Variants in ACO1 observed in about 807,000 individuals in gnomAD.
ACO1 encodes the protein aconitase 1.
Under a neutral mutation model 105.1 loss-of-function variants are expected in ACO1, and 78 were observed. The observed-to-expected ratio is 0.74, with a 90% CI of 0.62 to 0.90. ACO1 has a LOEUF of 0.90. Ranked by LOEUF, ACO1 falls within the 40% of genes least tolerant of loss-of-function variation. The pLI is 0.00. For synonymous variants in ACO1, 364 were observed against 397.4 expected (o/e 0.92, Z 1.00); for missense variants, 965 against 1,111.1 (o/e 0.87, Z 1.87).
rs892233089 is a variant in ACO1, at chr9:32,453,074, T to C, written c.*2963T>C. The C allele has an allele frequency of 5.3e-5, 8 of 151,732 alleles. No individual in the cohort carries two copies. The highest frequency in any genetic ancestry group is 1.9e-4 in the African/African-American group (8 of 41,476). The allele number at this position is 151,732 out of a possible 1,614,324, so 9.4% of individuals were successfully genotyped here. ...CCTGGTTCTTTAAGGGCTGCTCGTC[T>C]TACTATCCAAATTAAAAATCTGCTG... is the stretch of plus-strand genomic sequence containing the variant. On this transcript the variant is annotated 3_prime_UTR_variant, in exon 21 of 21. Transcript: ENST00000309951.
At chr9:32,392,071 G>A (rs1158400905) in intron 1 of ACO1, among the ~76,000 whole-genome samples, 3 of 152,192 alleles carry the variant, frequency 2.0e-5, no homozygotes, top group Non-Finnish European at 4.4e-5. Context: ...ATGTTTTAGG[G>A]AACATGAGGT....
rs377699256 is a variant in ACO1, at chr9:32,418,411, A to G, written c.558A>G (p.Ala186=). 6.2e-7 allele frequency: 1 copy of G among 1,614,112 alleles called. No individual in the cohort carries two copies. Among genetic ancestry groups the G allele is most frequent in the African/African-American group, 1.3e-5 (1 of 74,936 alleles). ...IIHQVNLEYL[A]RVVFDQDGYY... is the part of the protein sequence containing the mutation. ...ACCAGGTGAATTTGGAATATTTGGCAAGAGTGGTATTTGATCAGGATGGAT... is the reference window on the plus strand; with the variant it reads ...ACCAGGTGAATTTGGAATATTTGGCGAGAGTGGTATTTGATCAGGATGGAT... Residue 186 remains alanine (A), a synonymous_variant, in exon 6 of 21, where the codon GCA becomes GCG. Transcript: ENST00000309951.
chr9:32,394,173 T>C (rs939424038), intron 1 of ACO1, among the ~76,000 whole-genome samples: 1 of 152,218 alleles, frequency 6.6e-6, no homozygotes, highest in African/African-American at 2.4e-5. Flanking sequence ...ATCTGCCAGC[T>C]TATTCTTTCA....
At chr9:32,431,906 C>A in intron 15 of ACO1, 63 bp downstream of exon 15, 1 of 1,593,918 alleles carries the variant, frequency 6.3e-7, no homozygotes, top group South Asian at 1.1e-5. Flanking sequence ...CCCTTTGTGT[C>A]CTGTCTGCAG....
Position 32,413,389 on chromosome 9 carries a change from CAG to C in ACO1, c.405-4738_405-4737del, listed in dbSNP as rs111676430. Among the ~76,000 whole-genome samples, 148 of 150,102 alleles carry C rather than the reference CAG, an allele frequency of 9.9e-4. 1 individual carries two copies. The highest frequency in any genetic ancestry group is 3.5e-3 in the African/African-American group (142 of 40,672). ...GTCCCAGCTACTCAGGCGGCTGAGACAGGGGAATCGCTTGAATCTGCAAGGTG... is the reference window on the plus strand; with the variant it reads ...GTCCCAGCTACTCAGGCGGCTGAGACGGGAATCGCTTGAATCTGCAAGGTG... On this transcript the variant is annotated intron_variant, in intron 4 of 20. Coordinates refer to ENST00000309951, the MANE Select transcript of ACO1 (RefSeq NM_002197.3).
chr9:32,433,226 A>C (rs1822278510), intron 15 of ACO1, among the ~76,000 whole-genome samples: 1 of 152,050 alleles, frequency 6.6e-6, no homozygotes, highest in African/African-American at 2.4e-5. Context: ...ATCACGGTGC[A>C]TATGTATGTT....
chr9:32,453,564 G>A lies in ACO1; in HGVS notation c.*3453G>A, dbSNP rs966870973. On this transcript the variant is annotated 3_prime_UTR_variant, in exon 21 of 21. Coordinates refer to ENST00000309951, the MANE Select transcript of ACO1 (RefSeq NM_002197.3). The stretch of plus-strand genomic sequence containing the variant: ...ATGCCAGGGGATATGGCCACCAGCA[G>A]TTCTGGGGAAACCATTAGTAATTTG... 1 of 152,160 alleles carries A rather than the reference G, an allele frequency of 6.6e-6. No homozygotes were observed. Among genetic ancestry groups the A allele is most frequent in the African/African-American group, 2.4e-5 (1 of 41,438 alleles). The allele number at this position is 152,160 out of a possible 1,614,324, so 9.4% of individuals were successfully genotyped here. A position where few individuals can be genotyped will look rare whatever the true frequency, so the allele number is the denominator to read the frequency against.
intron 4 of ACO1, 142 bp from the exon 5 acceptor site, chr9:32,417,986 T>C: frequency 1.4e-6 from 1 of 716,658 alleles, no homozygotes; most frequent in Non-Finnish European, 2.3e-6. Context: ...TATTCTGCAT[T>C]GTAAATAGTC....
chr9:32,394,999 T>C (rs897406339), intron 1 of ACO1, among the ~76,000 whole-genome samples: 1 of 152,192 alleles, frequency 6.6e-6, no homozygotes, highest in Admixed American at 6.5e-5. Context: ...ATGGCCTTTC[T>C]TTCTAATTCC....
intron 3 of ACO1, among the ~76,000 whole-genome samples, chr9:32,407,790 C>T (rs185972571): frequency 1.2e-4 from 19 of 152,248 alleles, no homozygotes; most frequent in Admixed American, 3.9e-4. Context: ...GCCCAGGAAA[C>T]CAGGTGTGTC....
chr9:32,419,608 C>G lies in ACO1; in HGVS notation c.798+431C>G, dbSNP rs1243546684. ...ATCACTATCCTGAGGTTGTAAGAAT[C>G]ATTCCCATGCATGTGTTTATGCTTT... is the stretch of plus-strand genomic sequence containing the variant. On this transcript the variant is annotated intron_variant, in intron 7 of 20. Transcript: ENST00000309951. 2.6e-5 allele frequency among the ~76,000 whole-genome samples: 4 copies of G among 152,260 alleles called. 1 individual carries two copies. Among genetic ancestry groups the G allele is most frequent in the Non-Finnish European group, 5.9e-5 (4 of 68,038 alleles).
chr9:32,410,627 G>A (rs1355013151), intron 4 of ACO1, among the ~76,000 whole-genome samples: 1 of 152,046 alleles, frequency 6.6e-6, no homozygotes, highest in East Asian at 1.9e-4. Context: ...TTGCCCTTTG[G>A]CTCAAAATGG....
At chr9:32,406,087 TATAA>T (rs1404580536) in intron 2 of ACO1, among the ~76,000 whole-genome samples, 1 of 152,248 alleles carries the variant, frequency 6.6e-6, no homozygotes, top group Non-Finnish European at 1.5e-5. Flanking sequence ...ATGGAATTTT[TATAA>T]ATAAACAAAA....
chr9:32,437,618 T>C (rs1339924686), intron 18 of ACO1, among the ~76,000 whole-genome samples: 2 of 152,210 alleles, frequency 1.3e-5, no homozygotes. Context: ...GACATAGAAC[T>C]TCTAGTCAGA....
rs10813819 is a variant in ACO1, at chr9:32,452,794, A to C, written c.*2683A>C. 6.7e-6 allele frequency: 1 copy of C among 148,390 alleles called. No homozygotes were observed. The highest frequency in any genetic ancestry group is 2.0e-4 in the East Asian group (1 of 4,984). 9.2% of individuals were successfully genotyped at this position (148,390 alleles called of 1,614,324 possible). On this transcript the variant is annotated 3_prime_UTR_variant, in exon 21 of 21. Transcript: ENST00000309951. ...GCCTGGGCAACACTCTACAAAAAAA[A>C]AAATAAATAAATAAATAAATAAAAT...
intron 4 of ACO1, 49 bp from the exon 5 acceptor site, chr9:32,418,079 T>C (rs1821889365): frequency 6.4e-7 from 1 of 1,559,150 alleles, no homozygotes; most frequent in Non-Finnish European, 8.8e-7. Flanking sequence ...ATTTGACCAC[T>C]AATATGTTAA....
intron 10 of ACO1, 118 bp downstream of exon 10, chr9:32,424,783 GT>G: frequency 1.4e-6 from 1 of 712,856 alleles, no homozygotes; most frequent in Non-Finnish European, 2.4e-6. Context: ...GCTTGAGGGT[GT>G]TTATTCTTCC....
intron 1 of ACO1, among the ~76,000 whole-genome samples, chr9:32,395,602 G>T (rs577546596): frequency 2.4e-4 from 37 of 152,218 alleles, no homozygotes; most frequent in Non-Finnish European, 4.7e-4. Flanking sequence ...CACATTCTGA[G>T]AAGGGGCTGA....
chr9:32,424,995 T>A (rs927663577), intron 10 of ACO1, among the ~76,000 whole-genome samples: 38 of 152,368 alleles, frequency 2.5e-4, no homozygotes, highest in African/African-American at 9.1e-4. Context: ...CAACTCATAT[T>A]ACTCTGTTCT....
Sources: allele counts gnomAD v4.1 joint callset (sites outside exome capture counted in the v4.1 genomes callset), GRCh38; gene constraint gnomAD v4.1.1; transcripts MANE v1.5; gene names NCBI Gene and HGNC (gene_info 2026-07-23, HGNC 2026-07-21).